The following SNX6 variants were observed in gnomAD, a reference collection of about 807,000 sequenced individuals.
SNX6 encodes the protein sorting nexin 6, also known as sorting nexin-6.
Under a neutral mutation model 63.0 loss-of-function variants are expected in SNX6, and 34 were observed. The ratio of observed to expected loss-of-function variants is 0.54; its 90% confidence interval spans 0.41 to 0.72. The LOEUF is 0.72. Ranked by LOEUF, SNX6 falls within the 30% of genes least tolerant of loss-of-function variation. SNX6 has a pLI of 0.00. For missense variants in SNX6, 398 were observed against 471.4 expected (o/e 0.84, Z 1.44); for synonymous variants, 170 against 164.2 (o/e 1.04, Z -0.27).
chr14:34,607,509 C>A (rs1883068148), intron 4 of SNX6, among the ~76,000 whole-genome samples: 1 of 151,982 alleles, frequency 6.6e-6, no homozygotes, highest in Non-Finnish European at 1.5e-5. Flanking sequence ...ACTCAAGTGA[C>A]TGAGGCAGGG....
At chr14:34,582,691 G>A (rs1237356982) in intron 9 of SNX6, among the ~76,000 whole-genome samples, 2 of 151,976 alleles carry the variant, frequency 1.3e-5, no homozygotes, top group Non-Finnish European at 2.9e-5. Flanking sequence ...CATTACAGGT[G>A]CTCACCAAGC....
At chr14:34,591,677 C>A (rs1256532293) in intron 8 of SNX6, among the ~76,000 whole-genome samples, 4 of 152,134 alleles carry the variant, frequency 2.6e-5, no homozygotes, top group Non-Finnish European at 4.4e-5. Flanking sequence ...AGCTCATGGT[C>A]AGAGAGATAA....
chr14:34,584,958 T>TTC (rs1255678574), intron 9 of SNX6, among the ~76,000 whole-genome samples: 1 of 152,038 alleles, frequency 6.6e-6, no homozygotes, highest in Non-Finnish European at 1.5e-5. Flanking sequence ...GTTTAAGCGA[T>TTC]TCTCCTGCCT....
At chr14:34,620,317 A>G (rs1398781237) in intron 2 of SNX6, among the ~76,000 whole-genome samples, 1 of 152,130 alleles carries the variant, frequency 6.6e-6, no homozygotes, top group Non-Finnish European at 1.5e-5. Context: ...CTTTTTACAA[A>G]TAAATTTTGC....
intron 2 of SNX6, among the ~76,000 whole-genome samples, chr14:34,618,413 T>C (rs1883505963): frequency 6.6e-6 from 1 of 152,116 alleles, no homozygotes; most frequent in African/African-American, 2.4e-5. Context: ...TACAGTGGTG[T>C]GATCTCAGCT....
Position 34,630,119 on chromosome 14 carries a change from C to G in SNX6, c.-3G>C, listed in dbSNP as rs969700720. ...CCGCGGAGAACACCCACCATCATGG[C>G]TGCTCCGAGGCGAGGGCCGGCGCAG... On this transcript the variant is annotated 5_prime_UTR_variant, in exon 1 of 14. Transcript: ENST00000362031. 5 of 1,376,244 alleles carry G rather than the reference C, an allele frequency of 3.6e-6. No homozygotes were observed. The highest frequency in any genetic ancestry group is 4.7e-6 in the Non-Finnish European group (5 of 1,072,344). The allele number at this position is 1,376,244 out of a possible 1,614,324, so 85.3% of individuals were successfully genotyped here. A position where few individuals can be genotyped will look rare whatever the true frequency, so the allele number is the denominator to read the frequency against.
intron 2 of SNX6, among the ~76,000 whole-genome samples, chr14:34,611,608 C>T (rs1171766665): frequency 6.6e-6 from 1 of 151,310 alleles, no homozygotes; most frequent in Admixed American, 6.6e-5. Flanking sequence ...ATGGTGAAAC[C>T]CCATCTCTAC....
At position 34,568,029 on chromosome 14, in the gene SNX6, C is replaced by A. The variant is rs748201916; in HGVS notation, c.922-16G>T. ...ACAGGAGATCCTATAAAACAGAATG[C>A]TTCACAATAGTATATATACTGCATG... On this transcript the variant is annotated splice_polypyrimidine_tract_variant and intron_variant, in intron 11 of 13. Coordinates refer to ENST00000362031, the MANE Select transcript of SNX6 (RefSeq NM_152233.4). 1.2e-6 allele frequency: 2 copies of A among 1,607,230 alleles called. No homozygotes were observed. The highest frequency in any genetic ancestry group is 1.7e-6 in the Non-Finnish European group (2 of 1,177,874).
At chr14:34,594,840 T>C (rs1226180091) in intron 7 of SNX6, among the ~76,000 whole-genome samples, 1 of 152,102 alleles carries the variant, frequency 6.6e-6, no homozygotes, top group East Asian at 1.9e-4. Context: ...CTCACACCTG[T>C]AATCCCAGCA....
At chr14:34,599,559 A>T (rs1373455420) in intron 6 of SNX6, among the ~76,000 whole-genome samples, 1 of 151,584 alleles carries the variant, frequency 6.6e-6, no homozygotes, top group Non-Finnish European at 1.5e-5. Context: ...ATGAGCCAAT[A>T]TCACGCCATT....
chr14:34,595,760 A>AT (rs11369683), intron 7 of SNX6, among the ~76,000 whole-genome samples: 58,385 of 151,770 alleles, frequency 0.38, 11,648 homozygotes, highest in Non-Finnish European at 0.43. Context: ...CTACACACCG[A>AT]TTTTATTATG....
chr14:34,567,214 C>T (rs1395921669), intron 13 of SNX6, among the ~76,000 whole-genome samples: 7 of 150,202 alleles, frequency 4.7e-5, no homozygotes, highest in African/African-American at 1.2e-4. Flanking sequence ...TAGCCGGGTA[C>T]GGTGGCTCGT....
chr14:34,599,007 C>G (rs1329087490), intron 6 of SNX6, among the ~76,000 whole-genome samples: 1 of 152,176 alleles, frequency 6.6e-6, no homozygotes, highest in Admixed American at 6.6e-5. Context: ...TTGCCCCTTC[C>G]TTCTGCTATG....
At chr14:34,599,145 T>C (rs1279587801) in intron 6 of SNX6, among the ~76,000 whole-genome samples, 2 of 152,216 alleles carry the variant, frequency 1.3e-5, no homozygotes, top group East Asian at 3.8e-4. Context: ...TGTTTATAAA[T>C]TACCCAGTCT....
At chr14:34,622,924 G>T (rs1017320058) in intron 2 of SNX6, among the ~76,000 whole-genome samples, 1 of 152,138 alleles carries the variant, frequency 6.6e-6, no homozygotes. Flanking sequence ...GAGTTTATAT[G>T]GAAAGTCCCT....
intron 2 of SNX6, among the ~76,000 whole-genome samples, chr14:34,615,539 C>A (rs1397618890): frequency 1.3e-5 from 2 of 151,846 alleles, no homozygotes; most frequent in Non-Finnish European, 2.9e-5. Context: ...CTCTTGTATA[C>A]CTTATTAAAG....
At chr14:34,590,642 A>G (rs1377716400) in intron 8 of SNX6, among the ~76,000 whole-genome samples, 1 of 152,142 alleles carries the variant, frequency 6.6e-6, no homozygotes, top group Non-Finnish European at 1.5e-5. Context: ...TGGAACTCTC[A>G]TGCCCTGCTC....
At chr14:34,589,352 G>A (rs1882300925) in intron 8 of SNX6, among the ~76,000 whole-genome samples, 1 of 152,008 alleles carries the variant, frequency 6.6e-6, no homozygotes, top group Non-Finnish European at 1.5e-5. Flanking sequence ...CTACTCATGA[G>A]GCTGAGGCAG....
At chr14:34,573,335 G>C (rs1881534771) in intron 11 of SNX6, among the ~76,000 whole-genome samples, 1 of 152,062 alleles carries the variant, frequency 6.6e-6, no homozygotes, top group Admixed American at 6.6e-5. Flanking sequence ...AGCACATTGG[G>C]AGGCTGAGGC....
Sources: allele counts gnomAD v4.1 joint callset (sites outside exome capture counted in the v4.1 genomes callset), GRCh38; gene constraint gnomAD v4.1.1; transcripts MANE v1.5; gene names NCBI Gene and HGNC (gene_info 2026-07-23, HGNC 2026-07-21).